LMO7: variants seen among roughly 807,000 people sequenced by gnomAD.
The protein encoded by LMO7 is LIM domain 7.
A neutral mutation model predicts 206.5 loss-of-function variants in LMO7; 120 were observed. The ratio of observed to expected loss-of-function variants is 0.58; its 90% CI spans 0.50 to 0.68. The LOEUF is 0.68. Ranked by LOEUF, LMO7 falls within the 30% of genes least tolerant of loss-of-function variation. The pLI, the probability that LMO7 is intolerant of heterozygous loss-of-function variation, is 0.00. For synonymous variants in LMO7, 706 were observed against 681.5 expected, an observed-to-expected ratio of 1.04 and a Z score of -0.56; for missense variants, 1,959 against 1,957.9, an observed-to-expected ratio of 1.00 and a Z score of -0.01.
chr13:75,768,632 TTG>T (rs142945362), intron 4 of LMO7, among the ~76,000 whole-genome samples: 2,240 of 152,230 alleles, frequency 0.015, 18 homozygotes, highest in Middle Eastern at 0.041. Context: ...TTCACATTGT[TTG>T]TGAGTTTATT....
chr13:75,657,941 C>G (rs1305284481), intron 1 of LMO7, among the ~76,000 whole-genome samples: 2 of 152,136 alleles, frequency 1.3e-5, no homozygotes, highest in Non-Finnish European at 1.5e-5. Context: ...AGATATTCTT[C>G]TATATATCCT....
At chr13:75,707,622 A>C (rs1355202893) in intron 1 of LMO7, among the ~76,000 whole-genome samples, 1 of 152,088 alleles carries the variant, frequency 6.6e-6, no homozygotes, top group Non-Finnish European at 1.5e-5. Flanking sequence ...ACATACCACA[A>C]ATTACCTTCT....
At chr13:75,838,294 A>G (rs1304150431) in intron 20 of LMO7, 98 bp downstream of exon 20, 28 of 1,546,048 alleles carry the variant, frequency 1.8e-5, no homozygotes, top group East Asian at 1.6e-4. Flanking sequence ...AGCCTCTTCA[A>G]TTTGTCTGTC....
intron 28 of LMO7, chr13:75,855,021 T>A: frequency 2.3e-6 from 1 of 433,672 alleles, no homozygotes; most frequent in South Asian, 3.9e-5. Context: ...CTAATTACAC[T>A]GAAATTGCTC....
chr13:75,629,882 A>G (rs1184548734), intron 2 of LMO7, among the ~76,000 whole-genome samples: 1 of 152,152 alleles, frequency 6.6e-6, no homozygotes, highest in Non-Finnish European at 1.5e-5. Context: ...TAGGCATGGT[A>G]CCATTTACCA....
At chr13:75,791,017 C>T (rs1424607537) in intron 4 of LMO7, among the ~76,000 whole-genome samples, 1 of 150,518 alleles carries the variant, frequency 6.6e-6, no homozygotes, top group Non-Finnish European at 1.5e-5. Flanking sequence ...TGCTCTGTCG[C>T]CCAGGCTGGA....
At chr13:75,666,847 C>T (rs1045662938) in intron 1 of LMO7, among the ~76,000 whole-genome samples, 1 of 152,012 alleles carries the variant, frequency 6.6e-6, no homozygotes, top group Non-Finnish European at 1.5e-5. Flanking sequence ...TGTGAGTTGC[C>T]CAGAAGCCAG....
chr13:75,771,545 T>TCTTTAAAAACAGAATTTTTAAAGA lies in LMO7; in HGVS notation c.317+10524_317+10547dup, dbSNP rs1443893325. Among the ~76,000 whole-genome samples, 26 of 139,412 alleles carry TCTTTAAAAACAGAATTTTTAAAGA rather than the reference T, an allele frequency of 1.9e-4. 2 individuals carry two copies. The highest frequency in any genetic ancestry group is 3.7e-4 in the African/African-American group (14 of 37,610). The allele number at this position is 139,412 out of a possible 152,430, so 91.5% of individuals were successfully genotyped here. On this transcript the variant is annotated intron_variant, in intron 4 of 30. Coordinates refer to ENST00000377534, the MANE Select transcript of LMO7 (RefSeq NM_001306080.2). Reference sequence around the variant, plus strand: ...CTGAAACCTTTAAAAATAGAATTAGTCTTTAAAAACAGAATTTTTAAAGAC... The same window carrying TCTTTAAAAACAGAATTTTTAAAGA: ...CTGAAACCTTTAAAAATAGAATTAGTCTTTAAAAACAGAATTTTTAAAGACTTTAAAAACAGAATTTTTAAAGAC...
chr13:75,633,163 G>C (rs192600846), upstream of LMO7, among the ~76,000 whole-genome samples: 2 of 151,992 alleles, frequency 1.3e-5, no homozygotes, highest in African/African-American at 4.8e-5. Context: ...GTGCCTCGCC[G>C]CACTTAAAAG....
chr13:75,789,484 C>G (rs182038206), intron 4 of LMO7, among the ~76,000 whole-genome samples: 11 of 152,244 alleles, frequency 7.2e-5, no homozygotes, highest in African/African-American at 2.6e-4. Context: ...AGCTTTACTC[C>G]CACGTGGGGA....
intron 15 of LMO7, 97 bp downstream of exon 15, chr13:75,823,970 C>A: frequency 2.0e-6 from 2 of 991,902 alleles, no homozygotes; most frequent in Non-Finnish European, 3.0e-6. Flanking sequence ...AGGTGTTAAT[C>A]TGGGCTGAAA....
chr13:75,658,260 T>C (rs2038241834), intron 1 of LMO7, among the ~76,000 whole-genome samples: 2 of 152,272 alleles, frequency 1.3e-5, no homozygotes, highest in South Asian at 4.1e-4. Context: ...AGGTAGTGTA[T>C]CTTCAGTTTT....
At chr13:75,708,972 G>A (rs1007843313) in intron 1 of LMO7, among the ~76,000 whole-genome samples, 25 of 148,406 alleles carry the variant, frequency 1.7e-4, no homozygotes, top group Admixed American at 1.3e-3. Flanking sequence ...AACAGGCCCC[G>A]GTGTGTGATG....
chr13:75,668,492 G>A (rs186100540), intron 1 of LMO7, among the ~76,000 whole-genome samples: 2 of 152,266 alleles, frequency 1.3e-5, no homozygotes, highest in African/African-American at 4.8e-5. Context: ...CTGAAGGCAG[G>A]TGAGACAGTG....
At chr13:75,719,294 T>A (rs2043822497) in intron 2 of LMO7, among the ~76,000 whole-genome samples, 2 of 152,196 alleles carry the variant, frequency 1.3e-5, no homozygotes, top group Non-Finnish European at 2.9e-5. Flanking sequence ...CGTGTCTCTT[T>A]AGTGCTGAAT....
Position 75,837,492 on chromosome 13 carries a change from C to T in LMO7, c.3395-648C>T, listed in dbSNP as rs374998662. Among the ~76,000 whole-genome samples the T allele has an allele frequency of 6.6e-5, 10 of 152,006 alleles. No individual in the cohort carries two copies. In the East Asian group the frequency reaches 7.7e-4, roughly 12 times the overall value. On this transcript the variant is annotated intron_variant, in intron 19 of 30. Transcript: ENST00000377534. ...GCACTAACTAGTATCAAGTAATAATCATAGGTACATTTTATGCCATAGTCT... is the reference window on the plus strand; with the variant it reads ...GCACTAACTAGTATCAAGTAATAATTATAGGTACATTTTATGCCATAGTCT...
intron 27 of LMO7, among the ~76,000 whole-genome samples, chr13:75,852,402 G>C (rs967061612): frequency 6.6e-6 from 1 of 152,006 alleles, no homozygotes; most frequent in African/African-American, 2.4e-5. Flanking sequence ...ATATTACCTG[G>C]GTGATGAAAT....
At chr13:75,805,859 A>G (rs1318820762) in intron 9 of LMO7, 99 bp downstream of exon 9, 14 of 1,296,484 alleles carry the variant, frequency 1.1e-5, no homozygotes, top group Non-Finnish European at 1.5e-5. Flanking sequence ...GAGACAGAGA[A>G]AGTCTAATTA....
At chr13:75,787,751 CGTCACTGGGAGGTT>C (rs2052661116) in intron 4 of LMO7, among the ~76,000 whole-genome samples, 1 of 152,138 alleles carries the variant, frequency 6.6e-6, no homozygotes, top group Non-Finnish European at 1.5e-5. Context: ...ACGCCTCTAA[CGTCACTGGGAGGTT>C]GTCAAATGGA....
Sources: gnomAD v4.1 joint callset for allele counts (sites outside exome capture counted in the v4.1 genomes callset) on GRCh38, gnomAD v4.1.1 for gene constraint, MANE v1.5 for transcripts, NCBI Gene and HGNC (gene_info 2026-07-23, HGNC 2026-07-21) for gene names.